The following STAMBP variants were observed in gnomAD, a reference collection of about 807,000 sequenced individuals.
STAMBP encodes STAM binding protein, also known as STAM-binding protein.
STAMBP carries 31 observed loss-of-function variants against 50.7 expected under a neutral mutation model. The observed-to-expected ratio is 0.61, with a 90% CI of 0.46 to 0.83. STAMBP has a LOEUF of 0.83. Ranked by LOEUF, STAMBP falls within the 40% of genes least tolerant of loss-of-function variation. The probability of loss-of-function intolerance (pLI) is 0.00; values close to 1 mark genes in which losing one functional copy is unlikely to be tolerated. For synonymous variants in STAMBP, 211 were observed against 192.4 expected (o/e 1.10, Z -0.80); for missense variants, 472 against 518.9 (o/e 0.91, Z 0.88).
At chr2:73,839,025 T>C (rs1675054075) in intron 2 of STAMBP, among the ~76,000 whole-genome samples, 1 of 152,198 alleles carries the variant, frequency 6.6e-6, no homozygotes, top group Non-Finnish European at 1.5e-5. Flanking sequence ...TGGCAGTTAC[T>C]ACAACCGAGG....
At chr2:73,858,790 A>G (rs1380084058) in intron 7 of STAMBP, among the ~76,000 whole-genome samples, 1 of 152,184 alleles carries the variant, frequency 6.6e-6, no homozygotes, top group East Asian at 1.9e-4. Flanking sequence ...ATGGTTGCAG[A>G]TGGCTTCTCA....
chr2:73,830,985 T>C lies in STAMBP; in HGVS notation c.129T>C (p.Ile43=), dbSNP rs753568811. The C allele has an allele frequency of 1.2e-6, 2 of 1,614,220 alleles. No individual in the cohort carries two copies. Among genetic ancestry groups the C allele is most frequent in the South Asian group, 2.2e-5 (2 of 91,082 alleles). The change falls in exon 2 of 10, where the codon ATT becomes ATC. Residue 43 remains isoleucine, a synonymous_variant. Coordinates refer to ENST00000394070, the MANE Select transcript of STAMBP (RefSeq NM_213622.4). Reference sequence around the variant, plus strand: ...GGTACTTCCGCTCTGGAGTTGAGATTATCCGAATGGCATCCATTTACTCTG... The same window carrying C: ...GGTACTTCCGCTCTGGAGTTGAGATCATCCGAATGGCATCCATTTACTCTG... ...PRRYFRSGVE[I]IRMASIYSEE...
chr2:73,872,832 G>T (rs769769466), intron 10 of STAMBP, among the ~76,000 whole-genome samples: 7 of 152,170 alleles, frequency 4.6e-5, no homozygotes, highest in Admixed American at 6.5e-5. Flanking sequence ...AATTGAAAGT[G>T]GGGGAAGGAT....
In STAMBP at chr2:73,855,206, A is replaced by G. The variant is rs114354606; in HGVS notation, c.1006-4048A>G. On this transcript the variant is annotated intron_variant, in intron 7 of 9. Transcript: ENST00000394070. ...CCTCATCATGTTTCAGCGCTATCTG[A>G]GCCATTTCCCTTTAGGGAAAATTTC... Among the ~76,000 whole-genome samples the G allele has an allele frequency of 5.0e-3, 765 of 152,276 alleles. 6 individuals are homozygous for G. Among genetic ancestry groups the G allele is most frequent in the African/African-American group, 0.017 (726 of 41,550 alleles).
intron 7 of STAMBP, among the ~76,000 whole-genome samples, chr2:73,857,991 C>CT (rs1322386262): frequency 2.3e-4 from 34 of 150,056 alleles, no homozygotes; most frequent in Non-Finnish European, 3.9e-4. Flanking sequence ...ATTTCTTTTT[C>CT]TTTTTTTTTG....
downstream of STAMBP, among the ~76,000 whole-genome samples, chr2:73,867,853 G>A (rs573340940): frequency 5.3e-5 from 8 of 152,182 alleles, no homozygotes; most frequent in East Asian, 1.2e-3. Context: ...GGCCAGGTGC[G>A]GTGGCTTACG....
In STAMBP at chr2:73,845,242, A is replaced by G. The variant is rs774270838; in HGVS notation, c.355A>G (p.Thr119Ala). ...ELLKRYTKEYTEYNEEKKKEA... is the reference protein window; with the variant it reads ...ELLKRYTKEYAEYNEEKKKEA... Reference sequence around the variant, plus strand: ...GTTAAAACGATATACCAAAGAATATACAGAATATAATGAAGAAAAGGTCAG... The same window carrying G: ...GTTAAAACGATATACCAAAGAATATGCAGAATATAATGAAGAAAAGGTCAG... Residue 119 changes from threonine to alanine, a missense_variant, in exon 4 of 10, where the codon ACA (threonine) becomes GCA (alanine). By Grantham distance (58) the Thr-to-Ala change is moderately conservative. Transcript: ENST00000394070. The G allele has an allele frequency of 6.2e-7, 1 of 1,613,542 alleles. No homozygotes were observed. The highest frequency in any genetic ancestry group is 8.5e-7 in the Non-Finnish European group (1 of 1,179,510).
intron 3 of STAMBP, 89 bp from the exon 4 acceptor site, chr2:73,845,078 G>C: frequency 6.3e-7 from 1 of 1,576,886 alleles, no homozygotes; most frequent in Non-Finnish European, 8.6e-7. Context: ...TTTGGGAAAT[G>C]TTGCAGTCAC....
At chr2:73,844,696 C>T (rs187820467) in intron 2 of STAMBP, 117 bp from the exon 3 acceptor site, 97 of 760,392 alleles carry the variant, frequency 1.3e-4, no homozygotes, top group Admixed American at 7.5e-4. Flanking sequence ...GCTCTCCCTC[C>T]GCTGCACTTC....
chr2:73,839,491 G>A (rs1041501830), intron 2 of STAMBP, among the ~76,000 whole-genome samples: 2 of 152,082 alleles, frequency 1.3e-5, no homozygotes, highest in African/African-American at 2.4e-5. Context: ...CTGGGATTGG[G>A]GTTTATAGAC....
chr2:73,851,057 T>A (rs1053726646), intron 7 of STAMBP, among the ~76,000 whole-genome samples: 6 of 152,246 alleles, frequency 3.9e-5, no homozygotes, highest in Admixed American at 3.3e-4. Flanking sequence ...AGATTATTTT[T>A]AAATTTTTCT....
chr2:73,852,306 TC>T (rs778018093), intron 7 of STAMBP, among the ~76,000 whole-genome samples: 1 of 152,138 alleles, frequency 6.6e-6, no homozygotes, highest in Non-Finnish European at 1.5e-5. Flanking sequence ...AGTGATCATC[TC>T]ATAAGCAAAA....
intron 2 of STAMBP, 199 bp from the exon 3 acceptor site, chr2:73,844,614 A>T: frequency 2.6e-6 from 1 of 381,114 alleles, no homozygotes; most frequent in Non-Finnish European, 4.7e-6. Flanking sequence ...CTAGTTTGGG[A>T]GTAGAGGAAA....
At chr2:73,837,451 G>A (rs1217658134) in intron 2 of STAMBP, among the ~76,000 whole-genome samples, 3 of 151,878 alleles carry the variant, frequency 2.0e-5, no homozygotes, top group African/African-American at 4.8e-5. Flanking sequence ...CTGGCATGGT[G>A]GCAGGTGCCT....
chr2:73,861,316 A>C (rs1156244606), intron 9 of STAMBP, among the ~76,000 whole-genome samples: 1 of 152,224 alleles, frequency 6.6e-6, no homozygotes, highest in Non-Finnish European at 1.5e-5. Context: ...TAGGAATCAA[A>C]GAATGAGTCT....
intron 1 of STAMBP, among the ~76,000 whole-genome samples, chr2:73,830,410 C>T (rs995698935): frequency 6.6e-6 from 1 of 152,238 alleles, no homozygotes; most frequent in South Asian, 2.1e-4. Context: ...TAACAATCCT[C>T]AAGAAAGTTC....
In STAMBP at chr2:73,845,262, G is replaced by A. The variant is rs1378704938; in HGVS notation, c.375G>A (p.Lys125=). ...TKEYTEYNEE[K]KKEAEELARN... ...AATATACAGAATATAATGAAGAAAAGGTCAGTATATAACAGCTAAGAAGAA... is the reference window on the plus strand; with the variant it reads ...AATATACAGAATATAATGAAGAAAAAGTCAGTATATAACAGCTAAGAAGAA... The change falls in exon 4 of 10, where the codon AAG becomes AAA. Residue 125 remains lysine, a splice_region_variant and synonymous_variant. Coordinates refer to ENST00000394070, the MANE Select transcript of STAMBP (RefSeq NM_213622.4). The A allele has an allele frequency of 1.9e-6, 3 of 1,603,582 alleles. No individual in the cohort carries two copies. Among genetic ancestry groups the A allele is most frequent in the Admixed American group, 1.7e-5 (1 of 59,896 alleles).
chr2:73,872,498 A>C (rs1259955437), intron 10 of STAMBP, among the ~76,000 whole-genome samples: 1 of 152,076 alleles, frequency 6.6e-6, no homozygotes, highest in Non-Finnish European at 1.5e-5. Context: ...CACTGTTCAA[A>C]GTACACAAGA....
downstream of STAMBP, among the ~76,000 whole-genome samples, chr2:73,869,950 A>G (rs1679137069): frequency 6.6e-6 from 1 of 152,200 alleles, no homozygotes; most frequent in Non-Finnish European, 1.5e-5. Flanking sequence ...AATATACATT[A>G]ATACATGTAT....
Sources: gnomAD v4.1 joint callset for allele counts (sites outside exome capture counted in the v4.1 genomes callset) on GRCh38, gnomAD v4.1.1 for gene constraint, MANE v1.5 for transcripts, NCBI Gene and HGNC (gene_info 2026-07-23, HGNC 2026-07-21) for gene names.